Variants in TTC13 observed in about 807,000 individuals in gnomAD.
TTC13 encodes tetratricopeptide repeat protein 13.
Under a neutral mutation model 120.0 loss-of-function variants are expected in TTC13, and 62 were observed. The observed-to-expected ratio is 0.52, with a 90% CI of 0.42 to 0.64. TTC13 has a LOEUF of 0.64. Ranked by LOEUF, TTC13 falls within the 30% of genes least tolerant of loss-of-function variation. TTC13 has a pLI of 0.00. For missense variants in TTC13, 824 were observed against 1,050.2 expected (o/e 0.78, Z 2.98); for synonymous variants, 384 against 393.5 (o/e 0.98, Z 0.28).
rs557838926 is a variant in TTC13, at chr1:230,956,750, C to T, written c.442+1474G>A. On this transcript the variant is annotated intron_variant, in intron 3 of 22. Transcript: ENST00000366661. ...TTTTGTGAAAAAAACGCAGAAGTAT[C>T]CATTCATAAAAGAATAATCATAACC... Among the ~76,000 whole-genome samples, 27 of 152,268 alleles carry T rather than the reference C, an allele frequency of 1.8e-4. No individual in the cohort carries two copies. The South Asian group carries it at 5.4e-3, about 30-fold the overall frequency.
intron 1 of TTC13, among the ~76,000 whole-genome samples, chr1:230,976,282 T>C (rs937011395): frequency 1.3e-5 from 2 of 152,158 alleles, no homozygotes; most frequent in African/African-American, 4.8e-5. Context: ...GGTCTCCGGA[T>C]ACAGAGCATC....
chr1:230,961,072 A>G, intron 2 of TTC13, 137 bp downstream of exon 2: 1 of 607,122 alleles, frequency 1.6e-6, no homozygotes. Context: ...GCAAAATACC[A>G]GACGACCTAT....
rs2102735838 is a variant in TTC13, at chr1:230,911,497, T to C, written c.2282A>G (p.Asn761Ser). Reference protein sequence around the residue: ...LILSLVYYFYNLMPLSRGSSV... With the variant: ...LILSLVYYFYSLMPLSRGSSV... ...GGATCCTCGAGAGAGTGGCATTAAA[T>C]TATAAAAGTAATAAACTAAGGATAA... The change falls in exon 20 of 23, where the codon AAT (asparagine) becomes AGT (serine). Residue 761 changes from asparagine (N) to serine (S), a missense_variant. This residue lies in a region of TTC13 where 226 missense variants were observed against 259.1 expected (regional missense o/e 0.87). Coordinates refer to ENST00000366661, the MANE Select transcript of TTC13 (RefSeq NM_024525.5). The C allele has an allele frequency of 1.2e-6, 2 of 1,603,934 alleles. No homozygotes were observed. Among genetic ancestry groups the C allele is most frequent in the Non-Finnish European group, 1.7e-6 (2 of 1,176,000 alleles).
chr1:230,928,791 C>G (rs1287564689), intron 12 of TTC13, 146 bp downstream of exon 12: 2 of 727,052 alleles, frequency 2.8e-6, no homozygotes, highest in Non-Finnish European at 2.2e-6. Context: ...TTCACAGGCA[C>G]AAGGATAGTA....
rs1036293206 is a variant in TTC13, at chr1:230,944,611, T to C, written c.580-713A>G. On this transcript the variant is annotated intron_variant, in intron 5 of 22. Coordinates refer to ENST00000366661, the MANE Select transcript of TTC13 (RefSeq NM_024525.5). This position sits in a 1 kb window ranked among gnomAD's most constrained non-coding sequence, Gnocchi z 4.0. ...ATACAAATACACAAAGTTTCTCCAATAGGCCAGCACAAGGTTAGTATAATA... is the reference window on the plus strand; with the variant it reads ...ATACAAATACACAAAGTTTCTCCAACAGGCCAGCACAAGGTTAGTATAATA... Among the ~76,000 whole-genome samples the C allele has an allele frequency of 6.6e-6, 1 of 152,070 alleles. No homozygotes were observed. Among genetic ancestry groups the C allele is most frequent in the Non-Finnish European group, 1.5e-5 (1 of 68,012 alleles).
At chr1:230,910,358 C>T (rs1475519954) in intron 20 of TTC13, among the ~76,000 whole-genome samples, 5 of 152,190 alleles carry the variant, frequency 3.3e-5, no homozygotes, top group Non-Finnish European at 7.3e-5. Flanking sequence ...CAAACCAGGG[C>T]AGGGCAGGGC....
intron 1 of TTC13, among the ~76,000 whole-genome samples, chr1:230,971,380 G>A (rs1178829017): frequency 5.4e-5 from 8 of 146,796 alleles, no homozygotes; most frequent in Non-Finnish European, 1.2e-4. Flanking sequence ...AACCACAGTT[G>A]ACATCATATA....
At chr1:230,941,855 C>T (rs534901472) in intron 6 of TTC13, among the ~76,000 whole-genome samples, 1 of 152,000 alleles carries the variant, frequency 6.6e-6, no homozygotes, top group African/African-American at 2.4e-5. Flanking sequence ...AATTATCATA[C>T]CCCAGCACAA....
intron 2 of TTC13, among the ~76,000 whole-genome samples, chr1:230,958,867 C>A (rs1041034142): frequency 2.6e-5 from 4 of 152,152 alleles, no homozygotes; most frequent in Admixed American, 6.5e-5. Context: ...GTGATGTACA[C>A]TGATAGCCCC....
intron 2 of TTC13, among the ~76,000 whole-genome samples, chr1:230,960,232 A>C (rs1039324329): frequency 3.3e-5 from 5 of 152,250 alleles, no homozygotes; most frequent in African/African-American, 1.2e-4. Flanking sequence ...AAGACTAACG[A>C]GCTTTCTCCC....
intron 2 of TTC13, among the ~76,000 whole-genome samples, chr1:230,959,606 C>A (rs1676436763): frequency 6.6e-6 from 1 of 152,226 alleles, no homozygotes; most frequent in Non-Finnish European, 1.5e-5. Flanking sequence ...GTCTTGAACT[C>A]CTGACCTCAG....
At chr1:230,935,767 G>A (rs549145055) in intron 8 of TTC13, among the ~76,000 whole-genome samples, 2 of 152,318 alleles carry the variant, frequency 1.3e-5, no homozygotes, top group South Asian at 4.1e-4. Flanking sequence ...ACAGACTAGA[G>A]ACAGAAGGGA....
chr1:230,949,929 C>G (rs1013272675), intron 4 of TTC13, among the ~76,000 whole-genome samples: 28 of 152,180 alleles, frequency 1.8e-4, no homozygotes, highest in South Asian at 1.5e-3. Flanking sequence ...GATTACAGGC[C>G]TGAGCCACCA....
intron 12 of TTC13, among the ~76,000 whole-genome samples, chr1:230,926,493 G>A (rs911187919): frequency 6.6e-6 from 1 of 152,156 alleles, no homozygotes; most frequent in South Asian, 2.1e-4. Flanking sequence ...GAAAGCAAGT[G>A]TTGAATAGAA....
At chr1:230,965,736 A>C (rs981794984) in intron 1 of TTC13, among the ~76,000 whole-genome samples, 93 of 152,310 alleles carry the variant, frequency 6.1e-4, no homozygotes, top group African/African-American at 2.0e-3. Flanking sequence ...CAGTGGCACG[A>C]TCTCGGCTAA....
At chr1:230,909,086 C>A in intron 20 of TTC13, 66 bp from the exon 21 acceptor site, 2 of 1,250,220 alleles carry the variant, frequency 1.6e-6, no homozygotes, top group South Asian at 1.3e-5. Flanking sequence ...TTAAATTTCA[C>A]CATGGACTTC....
intron 4 of TTC13, among the ~76,000 whole-genome samples, chr1:230,949,825 A>AT (rs1269434247): frequency 6.6e-6 from 1 of 151,790 alleles, no homozygotes; most frequent in East Asian, 1.9e-4. Flanking sequence ...TTGTTTTTGT[A>AT]TTTTTAGTAG....
At chr1:230,918,741 C>A (rs1304005559) in intron 17 of TTC13, among the ~76,000 whole-genome samples, 1 of 152,168 alleles carries the variant, frequency 6.6e-6, no homozygotes, top group Admixed American at 6.5e-5. Flanking sequence ...CTCATCCACA[C>A]CCACCCAGGC....
chr1:230,917,144 AAGGCCCAC>A (rs1672112222), intron 17 of TTC13, among the ~76,000 whole-genome samples: 1 of 152,184 alleles, frequency 6.6e-6, no homozygotes, highest in East Asian at 1.9e-4. Flanking sequence ...CACAGGTCAT[AAGGCCCAC>A]AGCAGGCACT....
Sources: allele counts gnomAD v4.1 joint callset (sites outside exome capture counted in the v4.1 genomes callset), GRCh38; gene constraint gnomAD v4.1.1; regional missense constraint gnomAD v4.1.1; non-coding constraint Gnocchi (gnomAD v3.1); transcripts MANE v1.5; gene names NCBI Gene and HGNC (gene_info 2026-07-23, HGNC 2026-07-21).